The following ACER3 variants were observed in gnomAD, a reference collection of about 807,000 sequenced individuals.
ACER3 encodes alkaline ceramidase 3, also known as alkCDase 3.
ACER3 carries 16 observed loss-of-function variants against 48.9 expected under a neutral mutation model. That is an observed-to-expected ratio of 0.33 (90% CI 0.22 to 0.50). ACER3 has a LOEUF of 0.50. Among genes scored for constraint, ACER3 ranks in the 20% least tolerant of loss-of-function variants. The probability of loss-of-function intolerance (pLI) is 0.98; values close to 1 mark genes in which losing one functional copy is unlikely to be tolerated. For synonymous variants in ACER3, 109 were observed against 107.8 expected, an observed-to-expected ratio of 1.01 and a Z score of -0.07; for missense variants, 227 against 326.0, an observed-to-expected ratio of 0.70 and a Z score of 2.34.
At chr11:76,863,088 A>G (rs1202808925) in intron 1 of ACER3, among the ~76,000 whole-genome samples, 1 of 152,112 alleles carries the variant, frequency 6.6e-6, no homozygotes, top group African/African-American at 2.4e-5. Flanking sequence ...TTAGATATGC[A>G]TGGTGGTTTG....
chr11:76,985,251 A>G (rs1347819730), intron 4 of ACER3, among the ~76,000 whole-genome samples: 1 of 152,100 alleles, frequency 6.6e-6, no homozygotes, highest in East Asian at 1.9e-4. Context: ...CTACAGGTGT[A>G]CACCACCATG....
In ACER3 at chr11:76,903,462, C is replaced by T. The variant is rs1238984283; in HGVS notation, c.104-23095C>T. Among the ~76,000 whole-genome samples, 5 of 97,318 alleles carry T rather than the reference C, an allele frequency of 5.1e-5. No individual in the cohort carries two copies. The South Asian group carries it at 1.4e-3, about 27-fold the overall frequency. 63.8% of individuals were successfully genotyped at this position (97,318 alleles called of 152,430 possible). ...CCCCTCCCACCCCCCCACCCGCCCC[C>T]GGCCCACACACACACACACCTTTTA... is the stretch of plus-strand genomic sequence containing the variant. On this transcript the variant is annotated intron_variant, in intron 1 of 10. Coordinates refer to ENST00000532485, the MANE Select transcript of ACER3 (RefSeq NM_018367.7).
chr11:76,928,665 A>C (rs1218371986), intron 2 of ACER3, among the ~76,000 whole-genome samples: 1 of 152,198 alleles, frequency 6.6e-6, no homozygotes, highest in Non-Finnish European at 1.5e-5. Context: ...ATCCAGTTTC[A>C]GCTTTCTACA....
At chr11:76,864,573 A>G (rs532080758) in intron 1 of ACER3, among the ~76,000 whole-genome samples, 3 of 150,416 alleles carry the variant, frequency 2.0e-5, no homozygotes, top group Non-Finnish European at 4.4e-5. Flanking sequence ...TTTTTGTCAC[A>G]TAACTCATAA....
intron 1 of ACER3, among the ~76,000 whole-genome samples, chr11:76,872,124 T>C (rs1405780229): frequency 6.7e-6 from 1 of 148,800 alleles, no homozygotes; most frequent in African/African-American, 2.5e-5. Flanking sequence ...TCGCGGAGGC[T>C]GGAGTGCAGT....
intron 5 of ACER3, among the ~76,000 whole-genome samples, chr11:76,988,447 G>A (rs139313310): frequency 1.1e-3 from 163 of 152,248 alleles, no homozygotes; most frequent in African/African-American, 3.6e-3. Context: ...ACAAATCATC[G>A]TGGAAGGTGA....
At chr11:76,967,977 A>G (rs2135105029) in intron 3 of ACER3, among the ~76,000 whole-genome samples, 2 of 152,314 alleles carry the variant, frequency 1.3e-5, no homozygotes, top group South Asian at 2.1e-4. Context: ...AAGGGCATTC[A>G]ATTAGGAAAA....
intron 5 of ACER3, among the ~76,000 whole-genome samples, chr11:76,986,122 C>T (rs1380356203): frequency 6.6e-6 from 1 of 152,146 alleles, no homozygotes; most frequent in Non-Finnish European, 1.5e-5. Flanking sequence ...CTAGTCACTT[C>T]TAATTCTACA....
At chr11:76,874,599 T>G (rs1025064915) in intron 1 of ACER3, among the ~76,000 whole-genome samples, 1 of 152,224 alleles carries the variant, frequency 6.6e-6, no homozygotes, top group African/African-American at 2.4e-5. Context: ...TAAAGGAGAT[T>G]ACTCTCAATA....
At chr11:76,987,167 G>T (rs1039256613) in intron 5 of ACER3, among the ~76,000 whole-genome samples, 11 of 152,248 alleles carry the variant, frequency 7.2e-5, no homozygotes, top group Admixed American at 5.9e-4. Flanking sequence ...CTCTGGTTAT[G>T]AGGCTGGATT....
intron 1 of ACER3, among the ~76,000 whole-genome samples, chr11:76,886,430 A>G (rs1342511851): frequency 6.6e-6 from 1 of 152,214 alleles, no homozygotes; most frequent in African/African-American, 2.4e-5. Context: ...TAAACTTTTT[A>G]TACTCAGTTC....
intron 7 of ACER3, among the ~76,000 whole-genome samples, chr11:77,014,610 A>T (rs1949330034): frequency 2.0e-5 from 3 of 152,248 alleles, no homozygotes; most frequent in African/African-American, 7.2e-5. Flanking sequence ...CAAAAAAGTT[A>T]TCAGGTACTT....
intron 7 of ACER3, among the ~76,000 whole-genome samples, chr11:77,013,550 G>T (rs577547649): frequency 3.3e-5 from 5 of 152,192 alleles, no homozygotes; most frequent in Non-Finnish European, 7.4e-5. Context: ...TACTAAAACA[G>T]CTAAAATGAA....
intron 1 of ACER3, among the ~76,000 whole-genome samples, chr11:76,873,003 C>T (rs1438966544): frequency 6.9e-6 from 1 of 144,722 alleles, no homozygotes; most frequent in African/African-American, 2.5e-5. Context: ...CCTCAAACTC[C>T]TGGGTTCAAG....
intron 4 of ACER3, among the ~76,000 whole-genome samples, chr11:76,983,709 A>G (rs1449317293): frequency 6.6e-6 from 1 of 152,060 alleles, no homozygotes; most frequent in African/African-American, 2.4e-5. Context: ...TTATCTTATC[A>G]CTTTGATAAC....
At chr11:76,940,380 T>C (rs765844575) in intron 2 of ACER3, among the ~76,000 whole-genome samples, 43 of 152,220 alleles carry the variant, frequency 2.8e-4, no homozygotes, top group Admixed American at 2.0e-4. Flanking sequence ...TGTAATACTT[T>C]TGTAACTTTT....
At chr11:76,996,398 CATTATTATTATTATT>C (rs113842907) in intron 6 of ACER3, among the ~76,000 whole-genome samples, 7 of 146,580 alleles carry the variant, frequency 4.8e-5, no homozygotes, top group Non-Finnish European at 7.6e-5. Flanking sequence ...ATTGGCTTTC[CATTATTATTATTATT>C]ATTATTATTA....
chr11:76,992,346 T>G (rs981881048), intron 6 of ACER3, among the ~76,000 whole-genome samples: 1 of 152,258 alleles, frequency 6.6e-6, no homozygotes, highest in African/African-American at 2.4e-5. Context: ...TCTGGGTTAA[T>G]TTTTACAAGT....
At chr11:76,916,998 A>G (rs774522518) in intron 1 of ACER3, among the ~76,000 whole-genome samples, 1 of 151,996 alleles carries the variant, frequency 6.6e-6, no homozygotes, top group African/African-American at 2.4e-5. Flanking sequence ...TCTGATATGG[A>G]GCTCCCAAGT....
Sources: allele counts gnomAD v4.1 joint callset (sites outside exome capture counted in the v4.1 genomes callset), GRCh38; gene constraint gnomAD v4.1.1; transcripts MANE v1.5; gene names NCBI Gene and HGNC (gene_info 2026-07-23, HGNC 2026-07-21).